DMD: variants seen among roughly 807,000 people sequenced by gnomAD.
DMD encodes dystrophin.
Under a neutral mutation model 330.1 loss-of-function variants are expected in DMD, and 63 were observed. That is an observed-to-expected ratio of 0.19 (90% CI 0.16 to 0.24). DMD has a LOEUF of 0.24. DMD is among the 10% of genes least tolerant of loss of function. The pLI is 1.00. For synonymous variants in DMD, 1,223 were observed against 959.8 expected (o/e 1.27, Z -5.07); for missense variants, 3,344 against 2,684.1 (o/e 1.25, Z -5.43).
chrX:33,121,985 G>C (rs2095428054), intron 1 of DMD, among the ~76,000 whole-genome samples: 1 of 112,094 alleles, frequency 8.9e-6, no homozygotes, highest in African/African-American at 3.2e-5. Flanking sequence ...CAACACTTTG[G>C]GAGGCCGAGA....
At chrX:32,409,994 T>A (rs757103091) in intron 30 of DMD, among the ~76,000 whole-genome samples, 4 of 111,708 alleles carry the variant, frequency 3.6e-5, no homozygotes, top group African/African-American at 1.3e-4. Context: ...GTATAAATAT[T>A]TTATATCAAA....
In DMD at chrX:33,280,275, C is replaced by T. The variant is rs778794061; in HGVS notation, c.7+58984G>A. Reference sequence around the variant, plus strand: ...TGGTATTAACAGGCACGAGCCACCACGCCCGGTTATATTTCTTCTTAACAG... The same window carrying T: ...TGGTATTAACAGGCACGAGCCACCATGCCCGGTTATATTTCTTCTTAACAG... On this transcript the variant is annotated intron_variant, in intron 1 of 17. Coordinates refer to the DMD transcript ENST00000288447. 2.1e-4 allele frequency among the ~76,000 whole-genome samples: 23 copies of T among 111,920 alleles called. 1 individual carries two copies. In the South Asian group the frequency reaches 8.5e-3, roughly 42 times the overall value.
chrX:32,765,454 G>A (rs1329114330), intron 7 of DMD, among the ~76,000 whole-genome samples: 6 of 110,983 alleles, frequency 5.4e-5, no homozygotes, highest in Non-Finnish European at 9.4e-5. Context: ...CCCAGAAGCC[G>A]AGCAGATGCC....
Position 33,283,400 on chromosome X carries a change from C to T in DMD, c.7+55859G>A, listed in dbSNP as rs996127465. On this transcript the variant is annotated intron_variant, in intron 1 of 17. Coordinates refer to the DMD transcript ENST00000288447. Reference sequence around the variant, plus strand: ...CTAAAAATACAAAAAATTAGCCGAGCGTGGTGGTGGGCACTCGGGAGGCTG... The same window carrying T: ...CTAAAAATACAAAAAATTAGCCGAGTGTGGTGGTGGGCACTCGGGAGGCTG... Among the ~76,000 whole-genome samples the T allele has an allele frequency of 1.8e-4, 20 of 109,502 alleles. 1 individual carries two copies. Among genetic ancestry groups the T allele is most frequent in the Admixed American group, 5.9e-4 (6 of 10,161 alleles).
chrX:32,703,810 G>C (rs954357584), intron 7 of DMD, among the ~76,000 whole-genome samples: 70 of 111,643 alleles, frequency 6.3e-4, no homozygotes, highest in African/African-American at 2.2e-3. Context: ...TATTTGAGGA[G>C]TATGAAAATG....
At chrX:31,725,566 A>C (rs140658704) in intron 52 of DMD, among the ~76,000 whole-genome samples, 2,055 of 112,072 alleles carry the variant, frequency 0.018, 22 homozygotes, top group Non-Finnish European at 0.028. Context: ...TAATCCTCCC[A>C]ACCCATGAGA....
chrX:31,531,434 G>T (rs1364514637), intron 55 of DMD, among the ~76,000 whole-genome samples: 2 of 48,472 alleles, frequency 4.1e-5, no homozygotes, highest in Admixed American at 6.3e-4. Flanking sequence ...CAGTGATGAT[G>T]AGCATTTCTT....
At chrX:32,345,774 C>T (rs917692195) in intron 39 of DMD, among the ~76,000 whole-genome samples, 169 bp downstream of exon 39, 1 of 110,198 alleles carries the variant, frequency 9.1e-6, no homozygotes, top group Non-Finnish European at 1.9e-5. Flanking sequence ...ACACATCGTT[C>T]AAAATCAAAT....
At chrX:31,569,887 CCTATGTATCTGAAAGTTTT>C (rs2075719688) in intron 55 of DMD, among the ~76,000 whole-genome samples, 1 of 109,724 alleles carries the variant, frequency 9.1e-6, no homozygotes, top group South Asian at 3.9e-4. Context: ...ACAAAAGGTA[CCTATGTATCTGAAAGTTTT>C]CTAAGTGCCT....
At chrX:31,951,151 A>ATGTG (rs1569521281) in intron 45 of DMD, among the ~76,000 whole-genome samples, 6 of 79,992 alleles carry the variant, frequency 7.5e-5, no homozygotes, top group African/African-American at 3.6e-4. Flanking sequence ...GTGTATATAT[A>ATGTG]TATATATGTA....
intron 63 of DMD, among the ~76,000 whole-genome samples, chrX:31,238,511 G>A (rs779156090): frequency 1.8e-5 from 2 of 111,953 alleles, no homozygotes; most frequent in South Asian, 7.5e-4. Flanking sequence ...ACTAACATTC[G>A]CTGAGCACTC....
At chrX:31,407,386 G>C (rs1019526877) in intron 60 of DMD, among the ~76,000 whole-genome samples, 7 of 109,865 alleles carry the variant, frequency 6.4e-5, no homozygotes, top group African/African-American at 2.3e-4. Context: ...GGCTGGTCTC[G>C]AATTCCTGAC....
At chrX:31,511,021 G>A in intron 55 of DMD, among the ~76,000 whole-genome samples, 1 of 111,180 alleles carries the variant, frequency 9.0e-6, no homozygotes, top group Admixed American at 9.6e-5. Context: ...CATAAACATA[G>A]TTCATCCATG....
intron 2 of DMD, among the ~76,000 whole-genome samples, chrX:32,989,537 C>T (rs1354296083): frequency 9.0e-6 from 1 of 111,723 alleles, no homozygotes; most frequent in Non-Finnish European, 1.9e-5. Flanking sequence ...AGATATTTGA[C>T]CTTCACACGA....
At chrX:31,969,271 C>A (rs913789655) in intron 44 of DMD, among the ~76,000 whole-genome samples, 2 of 111,172 alleles carry the variant, frequency 1.8e-5, no homozygotes, top group Non-Finnish European at 3.8e-5. Context: ...AATATTACAA[C>A]CAAGTACACA....
chrX:33,244,458 G>A (rs956963939), intron 1 of DMD, among the ~76,000 whole-genome samples: 7 of 111,799 alleles, frequency 6.3e-5, no homozygotes, highest in Non-Finnish European at 1.3e-4. Context: ...GGTTAGCTTG[G>A]TCAAATACAA....
At chrX:31,937,831 G>C (rs1208451954) in intron 45 of DMD, among the ~76,000 whole-genome samples, 1 of 111,985 alleles carries the variant, frequency 8.9e-6, no homozygotes, top group Non-Finnish European at 1.9e-5. Context: ...ATAATAATGA[G>C]TGAGATATTT....
chrX:33,274,433 T>C (rs1280487715), intron 1 of DMD, among the ~76,000 whole-genome samples: 3 of 111,364 alleles, frequency 2.7e-5, no homozygotes, highest in Non-Finnish European at 5.6e-5. Context: ...AATGCATGCA[T>C]GTAAGGCACA....
chrX:32,342,065 C>G, intron 41 of DMD, 35 bp downstream of exon 41: 1 of 1,186,064 alleles, frequency 8.4e-7, no homozygotes, highest in Non-Finnish European at 1.1e-6. Context: ...GTAGTAGTTG[C>G]AAACACATAC....
Sources: gnomAD v4.1 joint callset for allele counts (sites outside exome capture counted in the v4.1 genomes callset) on GRCh38, gnomAD v4.1.1 for gene constraint, MANE v1.5 for transcripts, NCBI Gene and HGNC (gene_info 2026-07-23, HGNC 2026-07-21) for gene names.